PLS1: variants seen among roughly 807,000 people sequenced by gnomAD.
The protein encoded by PLS1 is plastin-1.
In PLS1, 32 loss-of-function variants were observed where a neutral mutation model predicts 73.7. The ratio of observed to expected loss-of-function variants is 0.43; its 90% CI spans 0.33 to 0.58. The LOEUF is 0.58. Among genes scored for constraint, PLS1 ranks in the 20% least tolerant of loss-of-function variants. The pLI, the probability that PLS1 is intolerant of heterozygous loss-of-function variation, is 0.04. For synonymous variants in PLS1, 217 were observed against 261.3 expected, an observed-to-expected ratio of 0.83 and a Z score of 1.63; for missense variants, 633 against 740.5, an observed-to-expected ratio of 0.85 and a Z score of 1.68.
chr3:142,682,895 G>T (rs2037884500), intron 6 of PLS1, among the ~76,000 whole-genome samples: 1 of 152,098 alleles, frequency 6.6e-6, no homozygotes, highest in Admixed American at 6.6e-5. Context: ...TTAATTATGA[G>T]GTTATAAAAA....
At chr3:142,686,118 G>A (rs984836194) in intron 8 of PLS1, among the ~76,000 whole-genome samples, 166 bp from the exon 9 acceptor site, 12 of 152,192 alleles carry the variant, frequency 7.9e-5, no homozygotes, top group African/African-American at 2.2e-4. Flanking sequence ...GCTCTGAAGT[G>A]TGAAACAGCA....
intron 4 of PLS1, among the ~76,000 whole-genome samples, chr3:142,671,507 A>G (rs2037603783): frequency 6.6e-6 from 1 of 152,072 alleles, no homozygotes; most frequent in Admixed American, 6.6e-5. Flanking sequence ...TGAGCTAGGA[A>G]TGGGGGAGAG....
Position 142,697,992 on chromosome 3 carries a change from G to T in PLS1, c.1296G>T (p.Glu432Asp). ...ADALVIFQLY[E>D]MIRVPVNWSH... is the part of the protein sequence containing the mutation. ...CTTTAGTGATCTTTCAGCTCTATGAGATGATCCGAGTGCCAGTCAACTGGA... is the reference window on the plus strand; with the variant it reads ...CTTTAGTGATCTTTCAGCTCTATGATATGATCCGAGTGCCAGTCAACTGGA... The change falls in exon 12 of 16, where the codon GAG becomes GAT. Residue 432 changes from glutamate to aspartate, a missense_variant. Glu to Asp is a conservative substitution (Grantham distance 45, BLOSUM62 2). Coordinates refer to ENST00000457734, the MANE Select transcript of PLS1 (RefSeq NM_001145319.2). 1 of 1,613,580 alleles carries T rather than the reference G, an allele frequency of 6.2e-7. No homozygotes were observed. The highest frequency in any genetic ancestry group is 8.5e-7 in the Non-Finnish European group (1 of 1,179,542).
intron 4 of PLS1, among the ~76,000 whole-genome samples, chr3:142,674,537 A>G (rs1162002632): frequency 6.6e-6 from 1 of 152,124 alleles, no homozygotes; most frequent in Non-Finnish European, 1.5e-5. Context: ...AATGGTTTTT[A>G]TATCTACAGA....
chr3:142,601,715 C>T (rs2035931057), intron 1 of PLS1, among the ~76,000 whole-genome samples: 1 of 151,878 alleles, frequency 6.6e-6, no homozygotes, highest in African/African-American at 2.4e-5. Flanking sequence ...TAAGGTCTTG[C>T]TATGTTGTCT....
At chr3:142,669,002 T>C (rs2107839045) in intron 2 of PLS1, among the ~76,000 whole-genome samples, 1 of 152,292 alleles carries the variant, frequency 6.6e-6, no homozygotes, top group East Asian at 1.9e-4. Flanking sequence ...CCTAAATCTA[T>C]GGGGATAAAC....
intron 2 of PLS1, among the ~76,000 whole-genome samples, chr3:142,665,654 C>T (rs956246285): frequency 2.0e-5 from 3 of 152,152 alleles, no homozygotes; most frequent in Non-Finnish European, 4.4e-5. Flanking sequence ...AATAAAAGTT[C>T]TACCCAGGTC....
chr3:142,667,136 G>A (rs2037495260), intron 2 of PLS1, among the ~76,000 whole-genome samples: 2 of 152,190 alleles, frequency 1.3e-5, no homozygotes, highest in Non-Finnish European at 2.9e-5. Context: ...TCATGAGATG[G>A]CCGGGTGCGG....
chr3:142,648,662 CA>C (rs1398128587), intron 1 of PLS1, among the ~76,000 whole-genome samples: 1 of 152,184 alleles, frequency 6.6e-6, no homozygotes, highest in African/African-American at 2.4e-5. Context: ...AGGTTTATTT[CA>C]GGCCAATTTT....
chr3:142,644,541 C>T (rs1232116894), intron 1 of PLS1, among the ~76,000 whole-genome samples: 1 of 152,170 alleles, frequency 6.6e-6, no homozygotes, highest in Non-Finnish European at 1.5e-5. Flanking sequence ...GCGTGAGCCA[C>T]GGTGCCTGAC....
At chr3:142,613,347 G>T (rs1175092637) in intron 1 of PLS1, among the ~76,000 whole-genome samples, 1 of 152,114 alleles carries the variant, frequency 6.6e-6, no homozygotes, top group East Asian at 1.9e-4. Context: ...AGCTGTGGTG[G>T]CTCAAGCCTG....
At chr3:142,656,374 C>T (rs1252118835) in intron 1 of PLS1, among the ~76,000 whole-genome samples, 1 of 152,184 alleles carries the variant, frequency 6.6e-6, no homozygotes, top group East Asian at 1.9e-4. Flanking sequence ...TTATATTGCA[C>T]CATTTTCATA....
intron 14 of PLS1, among the ~76,000 whole-genome samples, chr3:142,709,665 A>G (rs1006664456): frequency 4.6e-5 from 7 of 152,050 alleles, no homozygotes; most frequent in Non-Finnish European, 8.8e-5. Context: ...AAATACAAAA[A>G]TATCAGCCGG....
chr3:142,662,933 G>A (rs1220946167), intron 1 of PLS1, among the ~76,000 whole-genome samples: 1 of 152,112 alleles, frequency 6.6e-6, no homozygotes, highest in Non-Finnish European at 1.5e-5. Context: ...AGGGGGCCGG[G>A]CTCAGTGGCT....
At chr3:142,701,356 A>G (rs532249433) in intron 12 of PLS1, among the ~76,000 whole-genome samples, 3 of 152,258 alleles carry the variant, frequency 2.0e-5, no homozygotes, top group Non-Finnish European at 4.4e-5. Context: ...GAATATTTGC[A>G]GTATACTGGT....
chr3:142,609,853 G>A (rs2036086748), intron 1 of PLS1, among the ~76,000 whole-genome samples: 2 of 152,302 alleles, frequency 1.3e-5, no homozygotes, highest in South Asian at 2.1e-4. Context: ...TGGTGCTGAT[G>A]ATCAAAGCTT....
chr3:142,694,948 G>A (rs2038162943), intron 11 of PLS1, among the ~76,000 whole-genome samples: 1 of 151,538 alleles, frequency 6.6e-6, no homozygotes, highest in Non-Finnish European at 1.5e-5. Context: ...TTTCTAATTT[G>A]TAAAAGTAAC....
chr3:142,627,230 G>A (rs1394961528), intron 1 of PLS1, among the ~76,000 whole-genome samples: 1 of 151,988 alleles, frequency 6.6e-6, no homozygotes, highest in Non-Finnish European at 1.5e-5. Context: ...CTTTTTAGGT[G>A]TTTGGGAAGG....
intron 1 of PLS1, among the ~76,000 whole-genome samples, chr3:142,598,263 G>A (rs1389513758): frequency 2.0e-5 from 3 of 152,174 alleles, no homozygotes; most frequent in Admixed American, 2.0e-4. Context: ...GGAGGTTAAA[G>A]CCTATGACTT....
Sources: allele counts gnomAD v4.1 joint callset (sites outside exome capture counted in the v4.1 genomes callset), GRCh38; gene constraint gnomAD v4.1.1; transcripts MANE v1.5; gene names NCBI Gene and HGNC (gene_info 2026-07-23, HGNC 2026-07-21).